The following MKI67 variants were observed in gnomAD, a reference collection of about 807,000 sequenced individuals.
MKI67 encodes the protein marker of proliferation Ki-67.
In MKI67, 152 loss-of-function variants were observed where a neutral mutation model predicts 233.5. The ratio of observed to expected loss-of-function variants is 0.65; its 90% confidence interval spans 0.57 to 0.74. The LOEUF (loss-of-function observed/expected upper bound fraction) is 0.74, where lower values mean the gene tolerates loss of function less well. Among genes scored for constraint, MKI67 ranks in the 30% least tolerant of loss-of-function variants. The pLI, the probability that MKI67 is intolerant of heterozygous loss-of-function variation, is 0.00. For synonymous variants in MKI67, 1,465 were observed against 1,418.5 expected, an observed-to-expected ratio of 1.03 and a Z score of -0.74; for missense variants, 3,940 against 3,885.2, an observed-to-expected ratio of 1.01 and a Z score of -0.37.
rs1313842902 is a variant in MKI67 at position 128,125,629 on chromosome 10, G to T, written c.39C>A (p.Ser13Arg). 6.2e-7 allele frequency: 1 copy of T among 1,613,728 alleles called. No individual in the cohort carries two copies. The highest frequency in any genetic ancestry group is 8.5e-7 in the Non-Finnish European group (1 of 1,179,868). Residue 13 changes from serine (S) to arginine (R), a missense_variant, in exon 2 of 15, where the codon AGC becomes AGA. Ser to Arg is a moderately radical substitution (Grantham distance 110, BLOSUM62 -1). Transcript: ENST00000368654. The surrounding 1 kb of genome is among the most constrained non-coding windows in gnomAD (Gnocchi z 5.3). ...GGGGAAAGTGGGGACCGTCGACCCC[G>T]CTCCTTTTGATAGTAACCAGGCGTC... The part of the protein sequence containing the change: ...PTRRLVTIKR[S>R]GVDGPHFPLS...
At position 128,112,394 on chromosome 10, in the gene MKI67, C is replaced by T; in HGVS notation, c.1708G>A (p.Glu570Lys). The T allele has an allele frequency of 6.2e-7, 1 of 1,614,220 alleles. No individual in the cohort carries two copies. Among genetic ancestry groups the T allele is most frequent in the Non-Finnish European group, 8.5e-7 (1 of 1,180,026 alleles). Reference protein sequence around the residue: ...KQESGSEIHVEVKAQSLVISP... With the variant: ...KQESGSEIHVKVKAQSLVISP... ...ATAACCAAGCTTTGTGCCTTCACTT[C>T]CACATGGATTTCTGAACCTGACTCT... Residue 570 changes from glutamate to lysine, a missense_variant, in exon 9 of 15, where the codon GAA becomes AAA. Physicochemically the swap from Glu to Lys is moderately conservative, Grantham distance 56. Coordinates refer to ENST00000368654, the MANE Select transcript of MKI67 (RefSeq NM_002417.5).
chr10:128,111,377 A>G, intron 11 of MKI67: 1 of 344,684 alleles, frequency 2.9e-6, no homozygotes, highest in East Asian at 5.2e-5. Context: ...CTTTCTATGT[A>G]TACGCTGCTC....
At chr10:128,109,902 G>A in intron 12 of MKI67, among the ~76,000 whole-genome samples, 1 of 152,138 alleles carries the variant, frequency 6.6e-6, no homozygotes, top group East Asian at 1.9e-4. Context: ...CAGGAATACA[G>A]TGACCAGTGC....
Position 128,103,554 on chromosome 10 carries a change from G to A in MKI67, c.8286C>T (p.Gly2762=). Residue 2762 remains glycine (G), a synonymous_variant, in exon 13 of 15, where the codon GGC becomes GGT. Coordinates refer to ENST00000368654, the MANE Select transcript of MKI67 (RefSeq NM_002417.5). The part of the protein sequence containing the change: ...ADKEPAGEDK[G]IKALKESAKQ... ...TTGCAGATTCCTTCAATGCTTTGAT[G>A]CCTTTATCTTCACCTGCTGGTTCTT... 6.2e-7 allele frequency: 1 copy of A among 1,613,802 alleles called. No homozygotes were observed. Among genetic ancestry groups the A allele is most frequent in the Non-Finnish European group, 8.5e-7 (1 of 1,179,930 alleles).
At chr10:128,122,078 T>C (rs1021726406) in intron 4 of MKI67, among the ~76,000 whole-genome samples, 1 of 152,284 alleles carries the variant, frequency 6.6e-6, no homozygotes. Context: ...TTTAAAAAGC[T>C]TCTGGAAATG....
In MKI67 at chr10:128,108,156, T is replaced by C; in HGVS notation, c.3684A>G (p.Lys1228=). ...AQALEDLAGF[K]ELFQTPGHTE... ...TGTGACCAGGAGTCTGGAAGAGCTCTTTAAAGCCAGCCAGGTCTTCTAGAG... is the reference window on the plus strand; with the variant it reads ...TGTGACCAGGAGTCTGGAAGAGCTCCTTAAAGCCAGCCAGGTCTTCTAGAG... The change falls in exon 13 of 15, where the codon AAA becomes AAG. Residue 1228 remains lysine (K), a synonymous_variant. Transcript: ENST00000368654. 6.2e-7 allele frequency: 1 copy of C among 1,613,892 alleles called. No homozygotes were observed. The highest frequency in any genetic ancestry group is 2.2e-5 in the East Asian group (1 of 44,826).
chr10:128,114,735 C>T (rs1852759294), intron 7 of MKI67, among the ~76,000 whole-genome samples, 193 bp downstream of exon 7: 2 of 152,166 alleles, frequency 1.3e-5, no homozygotes, highest in African/African-American at 4.8e-5. Flanking sequence ...TCTGTCATTC[C>T]TTGTTACAAT....
rs1852682666 is a variant in MKI67, at chr10:128,111,776, T to C, written c.2129A>G (p.His710Arg). 2.5e-6 allele frequency: 4 copies of C among 1,613,930 alleles called. No individual in the cohort carries two copies. Among genetic ancestry groups the C allele is most frequent in the African/African-American group, 1.3e-5 (1 of 74,910 alleles). ...TATTATGGTACAAGGAGAGTTTGCG[T>C]GGCCTGTACTAAATTGACTGTGAAC... The part of the protein sequence containing the change: ...GEVHSQFSTG[H>R]ANSPCTIIIG... The change falls in exon 11 of 15, where the codon CAC becomes CGC. Residue 710 changes from histidine (H) to arginine (R), a missense_variant. By Grantham distance (29) the His-to-Arg change is conservative. Coordinates refer to ENST00000368654, the MANE Select transcript of MKI67 (RefSeq NM_002417.5).
At chr10:128,109,538 C>G in intron 12 of MKI67, 115 bp from the exon 13 acceptor site, 1 of 1,084,326 alleles carries the variant, frequency 9.2e-7, no homozygotes, top group Non-Finnish European at 1.3e-6. Context: ...ATTCACTGAA[C>G]GACATGAGGC....
Position 128,115,597 on chromosome 10 carries a change from C to A in MKI67, c.811G>T (p.Ala271Ser). The stretch of plus-strand genomic sequence containing the variant: ...CCATCAGCACTTTCTTTCTCTGTTG[C>A]GTAATCAGTTTGTAATCCAGATTTT... ...CRKSGLQTDY[A>S]TEKESADGLQ... The change falls in exon 7 of 15, where the codon GCA (alanine) becomes TCA (serine). Residue 271 changes from alanine to serine, a missense_variant. Ala to Ser is a moderately conservative substitution (Grantham distance 99). Coordinates refer to ENST00000368654, the MANE Select transcript of MKI67 (RefSeq NM_002417.5). 1 of 1,614,152 alleles carries A rather than the reference C, an allele frequency of 6.2e-7. No homozygotes were observed. The highest frequency in any genetic ancestry group is 8.5e-7 in the Non-Finnish European group (1 of 1,180,016).
rs772404270 is a variant in MKI67, at chr10:128,105,143, T to C, written c.6697A>G (p.Thr2233Ala). Residue 2233 changes from threonine to alanine, a missense_variant, in exon 13 of 15, where the codon ACA (threonine) becomes GCA (alanine). Coordinates refer to ENST00000368654, the MANE Select transcript of MKI67 (RefSeq NM_002417.5). The stretch of plus-strand genomic sequence containing the variant: ...CTCTTGGACTGTGGCTTGAAGATTG[T>C]TGGGGTACCCACTGGGTCTGGTTGT... ...SPQPDPVGTP[T>A]IFKPQSKRSL... 3.7e-6 allele frequency: 6 copies of C among 1,613,178 alleles called. No homozygotes were observed. Among genetic ancestry groups the C allele is most frequent in the Non-Finnish European group, 5.1e-6 (6 of 1,179,794 alleles).
chr10:128,112,586 TATG>T, intron 8 of MKI67, 141 bp from the exon 9 acceptor site: 1 of 827,658 alleles, frequency 1.2e-6, no homozygotes, highest in East Asian at 2.5e-5. Flanking sequence ...CTTTGAAGAC[TATG>T]GTAGAGGTGA....
chr10:128,104,394 G>A lies in MKI67; in HGVS notation c.7446C>T (p.Leu2482=). 6.2e-7 allele frequency: 1 copy of A among 1,614,116 alleles called. No homozygotes were observed. The highest frequency in any genetic ancestry group is 8.5e-7 in the Non-Finnish European group (1 of 1,180,014). Residue 2482 remains leucine (L), a synonymous_variant, in exon 13 of 15, where the codon CTC becomes CTT. Transcript: ENST00000368654. ...FKTSRSSKQR[L]KIPLVKVDMK... ...TGTCCACTTTCACCAGGGGTATCTT[G>A]AGCCTTTGCTTGGAGCTTCTTGAGG...
chr10:128,102,527 A>G, intron 13 of MKI67, 52 bp downstream of exon 13: 7 of 1,576,768 alleles, frequency 4.4e-6, no homozygotes, highest in Non-Finnish European at 6.0e-6. Flanking sequence ...TAACACAGAA[A>G]TTCACAACTA....
At position 128,098,804 on chromosome 10, in the gene MKI67, G is replaced by A. The variant is rs988024108; in HGVS notation, c.*386C>T. ...GTGCCTGCTCAGTGTTGGGACAGACGAGGATAGTTGTTCCTGCCACCGTGC... is the reference window on the plus strand; with the variant it reads ...GTGCCTGCTCAGTGTTGGGACAGACAAGGATAGTTGTTCCTGCCACCGTGC... On this transcript the variant is annotated 3_prime_UTR_variant, in exon 15 of 15. Coordinates refer to ENST00000368654, the MANE Select transcript of MKI67 (RefSeq NM_002417.5). 2.7e-4 allele frequency: 44 copies of A among 165,694 alleles called. No homozygotes were observed. The highest frequency in any genetic ancestry group is 1.6e-3 in the Admixed American group (25 of 15,896). 10.3% of individuals were successfully genotyped at this position (165,694 alleles called of 1,614,324 possible).
chr10:128,120,513 C>A (rs1199437518), intron 4 of MKI67, among the ~76,000 whole-genome samples: 4 of 151,466 alleles, frequency 2.6e-5, no homozygotes, highest in Non-Finnish European at 5.9e-5. Flanking sequence ...AACAAACAAA[C>A]AAAAAGAAAA....
chr10:128,102,520 C>A, intron 13 of MKI67, 59 bp downstream of exon 13: 1 of 1,568,238 alleles, frequency 6.4e-7, no homozygotes, highest in Non-Finnish European at 8.6e-7. Context: ...CAAAGTATAA[C>A]ACAGAAATTC....
chr10:128,119,690 G>A (rs1006064311), intron 4 of MKI67, among the ~76,000 whole-genome samples: 1 of 152,206 alleles, frequency 6.6e-6, no homozygotes, highest in Non-Finnish European at 1.5e-5. Context: ...CGGATGGCTT[G>A]GAAGGCCAGC....
Position 128,106,247 on chromosome 10 carries a change from C to T in MKI67, c.5593G>A (p.Asp1865Asn), listed in dbSNP as rs757440333. ...GTGTTTGTTGGGGTGTCCGCTGGGT[C>T]TGATTGCGGAGATTTGCAGAGTATT... ...KKILCKSPQSDPADTPTNTKQ... is the reference protein window; with the variant it reads ...KKILCKSPQSNPADTPTNTKQ... The change falls in exon 13 of 15, where the codon GAC (aspartate) becomes AAC (asparagine). Residue 1865 changes from aspartate to asparagine, a missense_variant. Transcript: ENST00000368654. The T allele has an allele frequency of 1.2e-6, 2 of 1,614,046 alleles. No homozygotes were observed. Among genetic ancestry groups the T allele is most frequent in the Non-Finnish European group, 1.7e-6 (2 of 1,180,024 alleles).
Sources: allele counts gnomAD v4.1 joint callset (sites outside exome capture counted in the v4.1 genomes callset), GRCh38; gene constraint gnomAD v4.1.1; non-coding constraint Gnocchi (gnomAD v3.1); transcripts MANE v1.5; gene names NCBI Gene and HGNC (gene_info 2026-07-23, HGNC 2026-07-21).